Variants in RARB observed in about 807,000 individuals in gnomAD.
RARB encodes HBV-activated protein.
RARB carries 17 observed loss-of-function variants against 51.9 expected under a neutral mutation model. The observed-to-expected ratio is 0.33, with a 90% confidence interval of 0.22 to 0.49. RARB has a LOEUF of 0.49. RARB is among the 20% of genes least tolerant of loss of function. RARB has a pLI of 0.99. For synonymous variants in RARB, 215 were observed against 195.4 expected (o/e 1.10, Z -0.84); for missense variants, 369 against 550.8 (o/e 0.67, Z 3.30).
chr3:25,103,317 C>A (rs1348669574), intron 3 of RARB, among the ~76,000 whole-genome samples: 1 of 152,110 alleles, frequency 6.6e-6, no homozygotes, highest in Non-Finnish European at 1.5e-5. Context: ...TGATATGCAC[C>A]GTTGTAAGTG....
At chr3:25,236,741 T>G (rs1352475460) in intron 5 of RARB, among the ~76,000 whole-genome samples, 4 of 152,090 alleles carry the variant, frequency 2.6e-5, no homozygotes, top group Non-Finnish European at 2.9e-5. Flanking sequence ...ATATTGAATT[T>G]GGTGTTTGGT....
At chr3:25,519,423 A>G (rs1375875540) in intron 3 of RARB, among the ~76,000 whole-genome samples, 4 of 152,168 alleles carry the variant, frequency 2.6e-5, no homozygotes, top group Non-Finnish European at 5.9e-5. Flanking sequence ...CATCCTTGCC[A>G]TACCTTGATA....
At chr3:25,343,104 T>G (rs923515358) in intron 5 of RARB, among the ~76,000 whole-genome samples, 2 of 148,540 alleles carry the variant, frequency 1.3e-5, no homozygotes, top group Non-Finnish European at 3.0e-5. Flanking sequence ...AATATGAGGG[T>G]TTTAGGTGCA....
chr3:25,504,785 TTTTTTTG>T (rs201361343), intron 3 of RARB, among the ~76,000 whole-genome samples: 54 of 144,092 alleles, frequency 3.7e-4, no homozygotes, highest in Non-Finnish European at 6.1e-4. Flanking sequence ...TTTTTTTTTT[TTTTTTTG>T]TGTCACCCAG....
chr3:25,021,314 G>T (rs995234133), intron 2 of RARB, among the ~76,000 whole-genome samples: 5 of 152,104 alleles, frequency 3.3e-5, no homozygotes, highest in African/African-American at 1.2e-4. Context: ...ATTTTTTCTG[G>T]TATTACCTGA....
At chr3:25,567,558 T>G (rs1029791790) in intron 3 of RARB, among the ~76,000 whole-genome samples, 2 of 152,158 alleles carry the variant, frequency 1.3e-5, no homozygotes, top group South Asian at 4.1e-4. Context: ...GTGATGAACA[T>G]TTGGGTTCTT....
chr3:25,146,424 C>T (rs1220538378), intron 4 of RARB, among the ~76,000 whole-genome samples: 1 of 151,804 alleles, frequency 6.6e-6, no homozygotes, highest in African/African-American at 2.4e-5. Context: ...AGGGTTATAT[C>T]CCAATAAAAA....
intron 5 of RARB, among the ~76,000 whole-genome samples, chr3:25,176,346 C>CTTTCTTTCTTTCTTTCT (rs1575197603): frequency 1.0e-4 from 5 of 48,162 alleles, no homozygotes; most frequent in African/African-American, 1.4e-4. Context: ...TCCTTCCTTC[C>CTTTCTTTCTTTCTTTCT]TTCCTTCCTT....
At chr3:25,343,319 C>T (rs1435919612) in intron 5 of RARB, among the ~76,000 whole-genome samples, 1 of 152,072 alleles carries the variant, frequency 6.6e-6, no homozygotes, top group African/African-American at 2.4e-5. Flanking sequence ...ATGCCTATAG[C>T]ATATTATCAG....
At chr3:24,959,023 G>T (rs1004851419) in intron 2 of RARB, among the ~76,000 whole-genome samples, 1 of 152,154 alleles carries the variant, frequency 6.6e-6, no homozygotes, top group Admixed American at 6.5e-5. Context: ...CTCAATGCAG[G>T]CCCCACAGTA....
chr3:25,491,649 A>T (rs1389411290), intron 2 of RARB, among the ~76,000 whole-genome samples: 1 of 152,162 alleles, frequency 6.6e-6, no homozygotes, highest in Non-Finnish European at 1.5e-5. Flanking sequence ...TTCAAAAATT[A>T]TTTAGGGCTG....
At chr3:25,306,590 G>A (rs555773570) in intron 5 of RARB, among the ~76,000 whole-genome samples, 1 of 152,018 alleles carries the variant, frequency 6.6e-6, no homozygotes, top group South Asian at 2.1e-4. Context: ...TTGGAATGCT[G>A]CAACTGAAAC....
chr3:24,983,001 C>G (rs567152427), intron 2 of RARB, among the ~76,000 whole-genome samples: 12 of 152,286 alleles, frequency 7.9e-5, no homozygotes, highest in African/African-American at 2.6e-4. Flanking sequence ...TAAACATATA[C>G]ATATATTAAA....
chr3:25,129,318 A>G (rs1372773167), intron 3 of RARB, among the ~76,000 whole-genome samples: 1 of 152,072 alleles, frequency 6.6e-6, no homozygotes, highest in Non-Finnish European at 1.5e-5. Context: ...TTTCCACAAT[A>G]TATATTTTAA....
chr3:25,242,168 T>C (rs1702448479), intron 5 of RARB, among the ~76,000 whole-genome samples: 1 of 152,200 alleles, frequency 6.6e-6, no homozygotes, highest in African/African-American at 2.4e-5. Flanking sequence ...TTTTTTCTTG[T>C]AAATTTGTTT....
chr3:25,461,115 A>G, intron 1 of RARB, 78 bp from the exon 2 acceptor site: 1 of 1,436,514 alleles, frequency 7.0e-7, no homozygotes, highest in Admixed American at 2.4e-5. Flanking sequence ...GCAGAAGCAT[A>G]TGAATTCACT....
intron 3 of RARB, among the ~76,000 whole-genome samples, chr3:25,077,277 G>A (rs1019083038): frequency 6.6e-6 from 1 of 152,102 alleles, no homozygotes; most frequent in African/African-American, 2.4e-5. Context: ...AAGAAATTTT[G>A]ACATATGCTC....
chr3:25,085,421 A>T (rs1699087412), intron 3 of RARB, among the ~76,000 whole-genome samples: 1 of 152,170 alleles, frequency 6.6e-6, no homozygotes, highest in African/African-American at 2.4e-5. Context: ...GATTTTCCAG[A>T]TTCTAGTAAG....
chr3:25,507,390 C>T (rs1697663725), intron 3 of RARB, among the ~76,000 whole-genome samples: 1 of 152,174 alleles, frequency 6.6e-6, no homozygotes, highest in African/African-American at 2.4e-5. Flanking sequence ...TGCTAGGGGC[C>T]CAGAACAAGT....
Sources: allele counts gnomAD v4.1 joint callset (sites outside exome capture counted in the v4.1 genomes callset), GRCh38; gene constraint gnomAD v4.1.1; transcripts MANE v1.5; gene names NCBI Gene and HGNC (gene_info 2026-07-23, HGNC 2026-07-21).